Variants in SLIT3 observed in about 807,000 individuals in gnomAD.
The protein encoded by SLIT3 is slit guidance ligand 3, also known as slit homolog 3 protein.
Under a neutral mutation model 184.0 loss-of-function variants are expected in SLIT3, and 68 were observed. The ratio of observed to expected loss-of-function variants is 0.37; its 90% CI spans 0.30 to 0.45. SLIT3 has a LOEUF of 0.45. Among genes scored for constraint, SLIT3 ranks in the 20% least tolerant of loss-of-function variants. The pLI is 1.00. For missense variants in SLIT3, 1,707 were observed against 2,026.0 expected, an observed-to-expected ratio of 0.84 and a Z score of 3.02; for synonymous variants, 831 against 828.6, an observed-to-expected ratio of 1.00 and a Z score of -0.05.
rs1434710906 is a variant in SLIT3, at chr5:168,665,820, C to T, written c.*634G>A. ...CAGGGACAGCAATATTTTTGAGTGG[C>T]AGTGAGACTGAGAAGGCCAGGGCTC... On this transcript the variant is annotated 3_prime_UTR_variant, in exon 36 of 36. Transcript: ENST00000519560. The T allele has an allele frequency of 6.6e-6, 1 of 152,274 alleles. No individual in the cohort carries two copies. The highest frequency in any genetic ancestry group is 1.9e-4 in the East Asian group (1 of 5,198). 9.4% of individuals were successfully genotyped at this position (152,274 alleles called of 1,614,324 possible). A position where few individuals can be genotyped will look rare whatever the true frequency, so the allele number is the denominator to read the frequency against.
intron 4 of SLIT3, among the ~76,000 whole-genome samples, chr5:169,088,397 AT>A (rs35908644): frequency 0.097 from 13,217 of 135,670 alleles, 565 homozygotes; most frequent in East Asian, 0.15. Flanking sequence ...TTTTTCTTCG[AT>A]TTTTTTTTTT....
At chr5:169,015,081 A>ATGG (rs1370784054) in intron 4 of SLIT3, among the ~76,000 whole-genome samples, 2 of 151,384 alleles carry the variant, frequency 1.3e-5, no homozygotes, top group Admixed American at 1.3e-4. Context: ...ATATAAAATG[A>ATGG]ATTACAAACC....
chr5:169,086,992 A>G (rs1339371144), intron 4 of SLIT3, among the ~76,000 whole-genome samples: 1 of 152,248 alleles, frequency 6.6e-6, no homozygotes, highest in Non-Finnish European at 1.5e-5. Flanking sequence ...AGTGCTATGC[A>G]AAGTGCCGTC....
intron 4 of SLIT3, among the ~76,000 whole-genome samples, chr5:168,929,190 C>T (rs1411535026): frequency 7.2e-5 from 11 of 152,230 alleles, no homozygotes; most frequent in Non-Finnish European, 1.0e-4. Flanking sequence ...GCAAGTGCTT[C>T]CCAACTCTAC....
chr5:169,042,300 C>T (rs2113026175), intron 4 of SLIT3, among the ~76,000 whole-genome samples: 1 of 152,280 alleles, frequency 6.6e-6, no homozygotes, highest in Non-Finnish European at 1.5e-5. Context: ...GTTCCAAGAT[C>T]TCATGAAAAA....
intron 1 of SLIT3, among the ~76,000 whole-genome samples, chr5:169,264,154 T>C (rs1456103133): frequency 6.6e-6 from 1 of 152,018 alleles, no homozygotes; most frequent in Non-Finnish European, 1.5e-5. Context: ...TTCAAGACTC[T>C]GGAATTTTAG....
chr5:169,195,358 T>C (rs1411672145), intron 3 of SLIT3, among the ~76,000 whole-genome samples: 1 of 152,134 alleles, frequency 6.6e-6, no homozygotes, highest in Admixed American at 6.5e-5. Flanking sequence ...TCACATATAA[T>C]AAGCCCACTG....
chr5:169,183,751 G>C (rs1236442927), intron 4 of SLIT3, among the ~76,000 whole-genome samples: 1 of 152,146 alleles, frequency 6.6e-6, no homozygotes, highest in Non-Finnish European at 1.5e-5. Context: ...CAACCTATAA[G>C]AAACTCATTT....
intron 20 of SLIT3, 59 bp downstream of exon 20, chr5:168,748,243 T>G (rs1754560157): frequency 7.0e-7 from 1 of 1,430,346 alleles, no homozygotes; most frequent in African/African-American, 1.5e-5. Flanking sequence ...GGGTAAAGTA[T>G]GGAGGATGCT....
rs113026526 is a variant in SLIT3 at position 168,762,494 on chromosome 5, G to A, written c.1610+45C>T. 20 of 1,591,744 alleles carry A rather than the reference G, an allele frequency of 1.3e-5. 1 individual carries two copies. The African/African-American group carries it at 2.3e-4, about 18-fold the overall frequency. Reference sequence around the variant, plus strand: ...CTGCCCACGCTGGCTCCGGGTGACTGGCGTGTGGGGAGGAGTAGGGAGTTC... The same window carrying A: ...CTGCCCACGCTGGCTCCGGGTGACTAGCGTGTGGGGAGGAGTAGGGAGTTC... On this transcript the variant is annotated intron_variant, in intron 15 of 35. Transcript: ENST00000519560.
rs1297996076 is a variant in SLIT3 at position 168,917,962 on chromosome 5, G to A, written c.414-34626C>T. On this transcript the variant is annotated intron_variant, in intron 4 of 35. Transcript: ENST00000519560. The stretch of plus-strand genomic sequence containing the variant: ...CTCAGCAGAAGAAAGAGGGAGTATG[G>A]ATTATCATTTTGATTACAAATATAT... Among the ~76,000 whole-genome samples, 4 of 152,166 alleles carry A rather than the reference G, an allele frequency of 2.6e-5. No individual in the cohort carries two copies. The East Asian group carries it at 7.7e-4, about 29-fold the overall frequency.
chr5:169,198,044 C>T (rs979435552), intron 3 of SLIT3, among the ~76,000 whole-genome samples: 4 of 152,206 alleles, frequency 2.6e-5, no homozygotes, highest in Non-Finnish European at 5.9e-5. Context: ...CAACCACCAT[C>T]CATCTATGCA....
chr5:168,778,918 T>A (rs150344118), intron 12 of SLIT3, among the ~76,000 whole-genome samples: 33 of 152,196 alleles, frequency 2.2e-4, no homozygotes, highest in Admixed American at 2.2e-3. Flanking sequence ...CAGATGCAGA[T>A]CCAGTGATCT....
At chr5:169,059,836 C>T (rs534754065) in intron 4 of SLIT3, among the ~76,000 whole-genome samples, 8 of 152,324 alleles carry the variant, frequency 5.3e-5, no homozygotes, top group African/African-American at 1.9e-4. Context: ...TTGAGTTCCC[C>T]TCAAATTCAT....
chr5:168,799,640 A>G (rs1756693482), intron 9 of SLIT3, among the ~76,000 whole-genome samples: 1 of 152,190 alleles, frequency 6.6e-6, no homozygotes. Flanking sequence ...GCACAGGGGC[A>G]TGTCTGCAAG....
At chr5:168,870,148 T>A (rs928670111) in intron 5 of SLIT3, among the ~76,000 whole-genome samples, 1 of 152,246 alleles carries the variant, frequency 6.6e-6, no homozygotes, top group East Asian at 1.9e-4. Context: ...AAAACCACCG[T>A]CCTGCACTCT....
intron 3 of SLIT3, among the ~76,000 whole-genome samples, chr5:169,212,054 C>G (rs1232168676): frequency 2.6e-5 from 4 of 152,300 alleles, no homozygotes; most frequent in African/African-American, 9.6e-5. Context: ...CAAGTCTTTG[C>G]TATTGTGAAT....
At chr5:169,021,414 G>A (rs1255846265) in intron 4 of SLIT3, among the ~76,000 whole-genome samples, 1 of 151,958 alleles carries the variant, frequency 6.6e-6, no homozygotes, top group African/African-American at 2.4e-5. Flanking sequence ...GCAGTGATAT[G>A]ATCTCGGCTC....
At chr5:169,025,582 G>A (rs1756786586) in intron 4 of SLIT3, among the ~76,000 whole-genome samples, 1 of 152,174 alleles carries the variant, frequency 6.6e-6, no homozygotes, top group Non-Finnish European at 1.5e-5. Flanking sequence ...GTAAAGACGA[G>A]GCATATAGAA....
Sources: gnomAD v4.1 joint callset for allele counts (sites outside exome capture counted in the v4.1 genomes callset) on GRCh38, gnomAD v4.1.1 for gene constraint, MANE v1.5 for transcripts, NCBI Gene and HGNC (gene_info 2026-07-23, HGNC 2026-07-21) for gene names.